The following IST1 variants were observed in gnomAD, a reference collection of about 807,000 sequenced individuals.
IST1 encodes IST1 factor associated with ESCRT-III.
A neutral mutation model predicts 37.0 loss-of-function variants in IST1; 23 were observed. That is an observed-to-expected ratio of 0.62 (90% CI 0.45 to 0.88). The LOEUF (loss-of-function observed/expected upper bound fraction) is 0.88. Among genes scored for constraint, IST1 ranks in the 40% least tolerant of loss-of-function variants. The probability of loss-of-function intolerance (pLI) is 0.00; values close to 1 mark genes in which losing one functional copy is unlikely to be tolerated. For missense variants in IST1, 488 were observed against 445.4 expected (o/e 1.10, Z -0.86); for synonymous variants, 180 against 161.7 (o/e 1.11, Z -0.86).
In IST1 at chr16:71,904,657, C is replaced by T. The variant is rs1266895280; in HGVS notation, c.-16+9068C>T. Among the ~76,000 whole-genome samples the T allele has an allele frequency of 2.0e-5, 3 of 152,240 alleles. No homozygotes were observed. In the East Asian group the frequency reaches 5.8e-4, roughly 29 times the overall value. Reference sequence around the variant, plus strand: ...CTCCTGAGCTCCAGCGATCCTCCCACATCAGCCTCCCAAAGTGCTGGGCTT... The same window carrying T: ...CTCCTGAGCTCCAGCGATCCTCCCATATCAGCCTCCCAAAGTGCTGGGCTT... On this transcript the variant is annotated intron_variant, in intron 1 of 9. Transcript: ENST00000378799.
At chr16:71,896,557 A>G (rs148855976) in intron 1 of IST1, among the ~76,000 whole-genome samples, 10 of 152,264 alleles carry the variant, frequency 6.6e-5, no homozygotes, top group African/African-American at 1.9e-4. Context: ...TAGTTGAAAT[A>G]TATATGTATA....
At chr16:71,921,087 G>T in intron 5 of IST1, 2 of 600,174 alleles carry the variant, frequency 3.3e-6, no homozygotes, top group South Asian at 1.9e-5. Flanking sequence ...GTGGGGAGAA[G>T]GGTGGATGAA....
chr16:71,923,508 TTCTTG>T, intron 8 of IST1, 128 bp downstream of exon 8: 1 of 558,934 alleles, frequency 1.8e-6, no homozygotes, highest in Middle Eastern at 2.8e-4. Flanking sequence ...TGCTTTGGGA[TTCTTG>T]TGTTGCTTTA....
chr16:71,930,967 A>C lies in IST1; in HGVS notation c.*3154A>C, dbSNP rs553696310. 31 of 152,334 alleles carry C rather than the reference A, an allele frequency of 2.0e-4. No individual in the cohort carries two copies. The highest frequency in any genetic ancestry group is 7.5e-4 in the African/African-American group (31 of 41,566). 9.4% of individuals were successfully genotyped at this position (152,334 alleles called of 1,614,324 possible). ...ACCAAACTGTTTTACCTACTTAAAA[A>C]TGATTATTATAACAATTTCAGGTCA... On this transcript the variant is annotated 3_prime_UTR_variant, in exon 10 of 10. Coordinates refer to ENST00000378799, the MANE Select transcript of IST1 (RefSeq NM_001270975.2).
intron 2 of IST1, 97 bp from the exon 3 acceptor site, chr16:71,916,365 T>G: frequency 8.4e-7 from 1 of 1,191,842 alleles, no homozygotes. Context: ...TAGGATATAG[T>G]AGAAACACCC....
chr16:71,909,261 C>T (rs1168082071), intron 1 of IST1, among the ~76,000 whole-genome samples: 1 of 151,942 alleles, frequency 6.6e-6, no homozygotes, highest in African/African-American at 2.4e-5. Context: ...GCGTGCACCC[C>T]CACAGCCAGC....
intron 1 of IST1, among the ~76,000 whole-genome samples, chr16:71,906,366 G>C (rs995105292): frequency 6.6e-6 from 1 of 151,838 alleles, no homozygotes; most frequent in African/African-American, 2.4e-5. Context: ...GGAATGCAGT[G>C]GTCCGATCTC....
upstream of IST1, chr16:71,894,547 T>G: frequency 2.2e-5 from 6 of 268,960 alleles, no homozygotes; most frequent in Admixed American, 5.3e-5. Flanking sequence ...CACCCGGCCC[T>G]TTTTCTTTTT....
intron 1 of IST1, among the ~76,000 whole-genome samples, chr16:71,906,774 C>A (rs532455712): frequency 6.6e-6 from 1 of 152,046 alleles, no homozygotes; most frequent in Non-Finnish European, 1.5e-5. Context: ...GTTTCGCTTC[C>A]TTTTGGTCTC....
At chr16:71,925,144 C>A (rs2037709703) in intron 9 of IST1, among the ~76,000 whole-genome samples, 1 of 150,128 alleles carries the variant, frequency 6.7e-6, no homozygotes, top group South Asian at 2.1e-4. Flanking sequence ...TCCTGAGTAG[C>A]TGGGACTACA....
chr16:71,927,007 A>T (rs1172010916), intron 9 of IST1, among the ~76,000 whole-genome samples: 2 of 152,174 alleles, frequency 1.3e-5, no homozygotes, highest in Admixed American at 6.5e-5. Flanking sequence ...GAATCCTATT[A>T]TCACTCCTTG....
chr16:71,906,239 G>A (rs929269987), intron 1 of IST1, among the ~76,000 whole-genome samples: 2 of 151,346 alleles, frequency 1.3e-5, no homozygotes, highest in Non-Finnish European at 2.9e-5. Context: ...TCCTGACCTC[G>A]TGATCCACCC....
At position 71,929,788 on chromosome 16, in the gene IST1, ATTTC is replaced by A; in HGVS notation, c.*1979_*1982del. On this transcript the variant is annotated 3_prime_UTR_variant, in exon 10 of 10. Coordinates refer to ENST00000378799, the MANE Select transcript of IST1 (RefSeq NM_001270975.2). ...AAAAATTAGTAAATGTAAAGATACT[ATTTC>A]TTTAATAATTTGCAGTCAGGCATTG... 6.1e-6 allele frequency: 7 copies of A among 1,143,240 alleles called. No individual in the cohort carries two copies. The South Asian group carries it at 6.8e-5, about 11-fold the overall frequency. 70.8% of individuals were successfully genotyped at this position (1,143,240 alleles called of 1,614,324 possible).
chr16:71,914,074 C>T (rs1372046006), intron 1 of IST1, among the ~76,000 whole-genome samples: 1 of 151,478 alleles, frequency 6.6e-6, no homozygotes, highest in Non-Finnish European at 1.5e-5. Flanking sequence ...TCCCAAAGTG[C>T]TGGGATTACA....
chr16:71,912,886 A>G (rs892747973), intron 1 of IST1, among the ~76,000 whole-genome samples: 1 of 152,154 alleles, frequency 6.6e-6, no homozygotes, highest in African/African-American at 2.4e-5. Flanking sequence ...ACTTACCATG[A>G]TGTCCTCAAA....
At chr16:71,913,020 T>TG (rs2037392266) in intron 1 of IST1, among the ~76,000 whole-genome samples, 2 of 152,340 alleles carry the variant, frequency 1.3e-5, no homozygotes, top group Admixed American at 1.3e-4. Flanking sequence ...CCATTTGGGT[T>TG]GCCTCCACCT....
intron 1 of IST1, among the ~76,000 whole-genome samples, chr16:71,898,441 T>C (rs376246487): frequency 6.6e-5 from 10 of 151,442 alleles, no homozygotes; most frequent in African/African-American, 2.4e-4. Context: ...CCCAGCACTT[T>C]GAGAGGCTGA....
intron 8 of IST1, 72 bp downstream of exon 8, chr16:71,923,452 C>A (rs2142593746): frequency 1.1e-6 from 1 of 923,106 alleles, no homozygotes. Flanking sequence ...ATAATGACCA[C>A]AGGGAAGGCA....
chr16:71,900,784 G>C (rs894757291), intron 1 of IST1, among the ~76,000 whole-genome samples: 2 of 152,062 alleles, frequency 1.3e-5, no homozygotes, highest in Non-Finnish European at 2.9e-5. Flanking sequence ...TTTTATGTCA[G>C]CTATACCCAT....
Sources: gnomAD v4.1 joint callset for allele counts (sites outside exome capture counted in the v4.1 genomes callset) on GRCh38, gnomAD v4.1.1 for gene constraint, MANE v1.5 for transcripts, NCBI Gene and HGNC (gene_info 2026-07-23, HGNC 2026-07-21) for gene names.